DMXL1: variants seen among roughly 807,000 people sequenced by gnomAD.
DMXL1 encodes the protein dmX-like protein 1.
A neutral mutation model predicts 319.2 loss-of-function variants in DMXL1; 99 were observed. The observed-to-expected ratio is 0.31, with a 90% CI of 0.26 to 0.37. The LOEUF is 0.37. DMXL1 is among the 10% of genes least tolerant of loss of function. DMXL1 has a pLI of 1.00. For missense variants in DMXL1, 3,745 were observed against 3,595.6 expected (o/e 1.04, Z -1.06); for synonymous variants, 1,385 against 1,235.2 (o/e 1.12, Z -2.54).
chr5:119,100,130 G>A (rs1328753663), intron 2 of DMXL1, among the ~76,000 whole-genome samples: 1 of 152,046 alleles, frequency 6.6e-6, no homozygotes, highest in Non-Finnish European at 1.5e-5. Flanking sequence ...GAAGAAAATT[G>A]GCAGGTTCTG....
At chr5:119,180,010 C>CA (rs891582277) in intron 28 of DMXL1, among the ~76,000 whole-genome samples, 6 of 152,148 alleles carry the variant, frequency 3.9e-5, no homozygotes, top group African/African-American at 1.4e-4. Flanking sequence ...CAAAGGCAGC[C>CA]ATAGACCATT....
intron 33 of DMXL1, among the ~76,000 whole-genome samples, chr5:119,205,025 T>G (rs1427056505): frequency 6.6e-6 from 1 of 152,200 alleles, no homozygotes; most frequent in Non-Finnish European, 1.5e-5. Flanking sequence ...GTAAATATAT[T>G]CAAATCGACC....
chr5:119,215,013 T>C (rs1292952380), intron 34 of DMXL1, among the ~76,000 whole-genome samples: 2 of 152,194 alleles, frequency 1.3e-5, no homozygotes, highest in East Asian at 3.9e-4. Flanking sequence ...GATTGGTGGG[T>C]AAGTTGGAAT....
Position 119,110,227 on chromosome 5 carries a change from A to G in DMXL1, c.441A>G (p.Glu147=), listed in dbSNP as rs1358485208. 2 of 1,588,580 alleles carry G rather than the reference A, an allele frequency of 1.3e-6. No individual in the cohort carries two copies. The highest frequency in any genetic ancestry group is 1.7e-6 in the Non-Finnish European group (2 of 1,173,478). The change falls in exon 5 of 44, where the codon GAA becomes GAG. Residue 147 remains glutamate (E), a synonymous_variant. Coordinates refer to ENST00000539542, the MANE Select transcript of DMXL1 (RefSeq NM_001290321.3). The part of the protein sequence containing the change: ...NTNLEKPTED[E]NLNKTDLNFG... ...ACTTGGAGAAGCCAACTGAAGATGA[A>G]AATTTAAATAAAACAGATCTTAACT...
At chr5:119,241,921 A>G (rs12108883) in intron 42 of DMXL1, among the ~76,000 whole-genome samples, 9 of 152,310 alleles carry the variant, frequency 5.9e-5, no homozygotes, top group African/African-American at 2.2e-4. Flanking sequence ...AAATTATAAC[A>G]GTAGTACAGT....
intron 4 of DMXL1, 59 bp from the exon 5 acceptor site, chr5:119,110,092 T>A: frequency 1.4e-6 from 2 of 1,431,582 alleles, no homozygotes; most frequent in South Asian, 1.3e-5. Flanking sequence ...TTCTTGAGCA[T>A]GTAAATTAAG....
chr5:119,157,553 T>C (rs989965818), intron 19 of DMXL1, among the ~76,000 whole-genome samples: 2 of 152,228 alleles, frequency 1.3e-5, no homozygotes, highest in African/African-American at 4.8e-5. Context: ...TATCTAGTTT[T>C]CCCAGCACCA....
At chr5:119,204,558 G>GT (rs746507917) in intron 33 of DMXL1, among the ~76,000 whole-genome samples, 8,983 of 137,472 alleles carry the variant, frequency 0.065, 680 homozygotes, top group African/African-American at 0.19. Flanking sequence ...ATCATAATGG[G>GT]TTTTTTTTTT....
intron 26 of DMXL1, among the ~76,000 whole-genome samples, chr5:119,176,172 T>G (rs112297934): frequency 6.6e-6 from 1 of 152,102 alleles, no homozygotes; most frequent in Non-Finnish European, 1.5e-5. Flanking sequence ...TCGGGATCTC[T>G]TGTTGAATTT....
At chr5:119,143,778 GTTA>G (rs1262334098) in intron 13 of DMXL1, 60 bp from the exon 14 acceptor site, 2 of 1,102,942 alleles carry the variant, frequency 1.8e-6, no homozygotes, top group African/African-American at 3.3e-5. Flanking sequence ...TTGAAATTTT[GTTA>G]TTTACTCTTA....
chr5:119,105,543 A>G (rs1426570836), intron 4 of DMXL1, among the ~76,000 whole-genome samples: 2 of 152,220 alleles, frequency 1.3e-5, no homozygotes, highest in Non-Finnish European at 2.9e-5. Flanking sequence ...TTTGGACCTG[A>G]GAGTAAACAG....
chr5:119,112,106 G>A (rs977992928), intron 5 of DMXL1, among the ~76,000 whole-genome samples: 1 of 151,982 alleles, frequency 6.6e-6, no homozygotes, highest in African/African-American at 2.4e-5. Flanking sequence ...GACTACAGGC[G>A]CTCTACCACC....
intron 35 of DMXL1, 49 bp from the exon 36 acceptor site, chr5:119,220,423 A>C: frequency 6.3e-7 from 1 of 1,585,406 alleles, no homozygotes; most frequent in Non-Finnish European, 8.6e-7. Flanking sequence ...CTCATATACT[A>C]TCTCTTTTGC....
intron 21 of DMXL1, among the ~76,000 whole-genome samples, chr5:119,165,601 A>G (rs1773258787): frequency 6.6e-6 from 1 of 152,248 alleles, no homozygotes. Flanking sequence ...AGACATACCC[A>G]AGACTGGGCA....
chr5:119,118,734 G>T (rs1761388196), intron 7 of DMXL1, 81 bp from the exon 8 acceptor site: 5 of 1,074,670 alleles, frequency 4.7e-6, no homozygotes, highest in Non-Finnish European at 5.4e-6. Context: ...GTACATTTAA[G>T]TAATTACAGA....
chr5:119,203,353 C>G lies in DMXL1; in HGVS notation c.7780C>G (p.Leu2594Val). Residue 2594 changes from leucine (L) to valine (V), a missense_variant, in exon 33 of 44, where the codon CTT becomes GTT. By Grantham distance (32) the Leu-to-Val change is conservative. This residue lies in a region of DMXL1 where 1,382 missense variants were observed against 1,269.5 expected (regional missense o/e 1.09). Transcript: ENST00000539542. The part of the protein sequence containing the change: ...KHHLALSVKR[L>V]WQYLVKQEEI... ...CCATCTGGCACTGTCTGTGAAGAGG[C>G]TTTGGCAGTATTTGGTGAAGCAGGA... The G allele has an allele frequency of 1.2e-6, 2 of 1,606,150 alleles. No individual in the cohort carries two copies. The highest frequency in any genetic ancestry group is 1.7e-6 in the Non-Finnish European group (2 of 1,176,902).
At chr5:119,101,890 GTAAGT>G in intron 2 of DMXL1, 40 bp from the exon 3 acceptor site, 1 of 1,292,946 alleles carries the variant, frequency 7.7e-7, no homozygotes, top group Non-Finnish European at 1.1e-6. Context: ...TGATTCATAA[GTAAGT>G]TAACATATCC....
rs775172773 is a variant in DMXL1, at chr5:119,221,098, ATAAATT to A, written c.8277+21_8277+26del. On this transcript the variant is annotated intron_variant, in intron 37 of 43. Transcript: ENST00000539542. Reference sequence around the variant, plus strand: ...GCATCTGTGGTATGTAAAGTTAAAAATAAATTTAAGTTATATGTAACTTTTATTTTT... The same window carrying A: ...GCATCTGTGGTATGTAAAGTTAAAAATAAGTTATATGTAACTTTTATTTTT... The A allele has an allele frequency of 6.4e-7, 1 of 1,573,860 alleles. No individual in the cohort carries two copies. The highest frequency in any genetic ancestry group is 8.6e-7 in the Non-Finnish European group (1 of 1,158,058).
chr5:119,221,038 T>C lies in DMXL1; in HGVS notation c.8234T>C (p.Met2745Thr). Residue 2745 changes from methionine (M) to threonine (T), a missense_variant, in exon 37 of 44, where the codon ATG becomes ACG. Coordinates refer to ENST00000539542, the MANE Select transcript of DMXL1 (RefSeq NM_001290321.3). The part of the protein sequence containing the change: ...THSNPGTPIN[M>T]PWLGSTQTGR... ...AGCAATCCTGGCACTCCAATCAACA[T>C]GCCATGGCTTGGTAGTACACAGACT... The C allele has an allele frequency of 6.2e-7, 1 of 1,613,820 alleles. No individual in the cohort carries two copies. The highest frequency in any genetic ancestry group is 1.3e-5 in the African/African-American group (1 of 75,062).
Sources: allele counts gnomAD v4.1 joint callset (sites outside exome capture counted in the v4.1 genomes callset), GRCh38; gene constraint gnomAD v4.1.1; regional missense constraint gnomAD v4.1.1; transcripts MANE v1.5; gene names NCBI Gene and HGNC (gene_info 2026-07-23, HGNC 2026-07-21).